The following NR2F1-AS1 variants were observed in gnomAD, a reference collection of about 807,000 sequenced individuals.
NR2F1-AS1 encodes the protein NR2F1 antisense RNA 1.
chr5:93,417,853 A>G (rs1749000173), intron 4 of NR2F1-AS1, among the ~76,000 whole-genome samples: 1 of 152,228 alleles, frequency 6.6e-6, no homozygotes, highest in Non-Finnish European at 1.5e-5. Flanking sequence ...AGCCAGTTCC[A>G]TAATACACAG....
intron 3 of NR2F1-AS1, among the ~76,000 whole-genome samples, chr5:93,554,412 T>C (rs1388202565): frequency 6.6e-6 from 1 of 152,200 alleles, no homozygotes; most frequent in African/African-American, 2.4e-5. Context: ...TTCTTGTTAA[T>C]ACCGAGGTTT....
intron 4 of NR2F1-AS1, among the ~76,000 whole-genome samples, chr5:93,440,826 A>C (rs73133228): frequency 6.6e-6 from 1 of 152,106 alleles, no homozygotes; most frequent in Non-Finnish European, 1.5e-5. Context: ...GGAAAAATAA[A>C]TGCATTTTTT....
At chr5:93,432,527 C>T (rs1275657913) in intron 4 of NR2F1-AS1, 2 of 152,234 alleles carry the variant, frequency 1.3e-5, no homozygotes, top group Non-Finnish European at 2.9e-5. Flanking sequence ...GAACAACAAA[C>T]ACTTCTTCCT....
At chr5:93,416,279 A>G (rs1331172041) in intron 4 of NR2F1-AS1, among the ~76,000 whole-genome samples, 1 of 152,250 alleles carries the variant, frequency 6.6e-6, no homozygotes, top group African/African-American at 2.4e-5. Flanking sequence ...GCTTTGACAC[A>G]AAGACTGTGC....
At chr5:93,410,356 G>GCAGGCCC (rs1247457617) in intron 4 of NR2F1-AS1, 6 of 152,244 alleles carry the variant, frequency 3.9e-5, no homozygotes, top group Admixed American at 3.3e-4. Context: ...GGCCCCTAGG[G>GCAGGCCC]CTGGGGTCCA....
At chr5:93,475,346 A>G (rs1750460045) in intron 4 of NR2F1-AS1, among the ~76,000 whole-genome samples, 3 of 152,186 alleles carry the variant, frequency 2.0e-5, no homozygotes, top group Admixed American at 2.0e-4. Flanking sequence ...ATAGATGAGA[A>G]GAGGAAGGAA....
intron 4 of NR2F1-AS1, among the ~76,000 whole-genome samples, chr5:93,499,158 T>G (rs950748064): frequency 6.6e-6 from 1 of 152,168 alleles, no homozygotes; most frequent in Non-Finnish European, 1.5e-5. Flanking sequence ...TAATTTTAAT[T>G]ATAAGATACA....
intron 4 of NR2F1-AS1, among the ~76,000 whole-genome samples, chr5:93,491,914 A>G (rs942049507): frequency 1.3e-5 from 2 of 152,158 alleles, no homozygotes; most frequent in Non-Finnish European, 2.9e-5. Context: ...CAGACAGTAT[A>G]TTATAGGACC....
intron 4 of NR2F1-AS1, among the ~76,000 whole-genome samples, chr5:93,518,969 T>G (rs753390496): frequency 1.3e-5 from 2 of 152,052 alleles, no homozygotes; most frequent in Non-Finnish European, 2.9e-5. Context: ...TATTAAAAAT[T>G]TTTAATTAAA....
At chr5:93,486,901 A>C (rs1750734902) in intron 4 of NR2F1-AS1, among the ~76,000 whole-genome samples, 1 of 152,134 alleles carries the variant, frequency 6.6e-6, no homozygotes, top group African/African-American at 2.4e-5. Context: ...TATCCACCAC[A>C]ATAAGTTGGC....
chr5:93,420,310 G>A (rs577221665), intron 4 of NR2F1-AS1, among the ~76,000 whole-genome samples: 2 of 152,330 alleles, frequency 1.3e-5, no homozygotes, highest in African/African-American at 4.8e-5. Context: ...TCTCCAGATA[G>A]AACGAGCATG....
intron 4 of NR2F1-AS1, among the ~76,000 whole-genome samples, chr5:93,492,657 TC>T (rs1750875947): frequency 1.3e-5 from 2 of 152,040 alleles, no homozygotes; most frequent in South Asian, 4.1e-4. Flanking sequence ...GCAAACCAAA[TC>T]CAACAGCATA....
chr5:93,409,995 C>A (rs2149838234), intron 4 of NR2F1-AS1: 1 of 152,294 alleles, frequency 6.6e-6, no homozygotes, highest in East Asian at 1.9e-4. Flanking sequence ...CTCCTCAAGA[C>A]AAAGACATGT....
intron 4 of NR2F1-AS1, among the ~76,000 whole-genome samples, chr5:93,536,739 A>G (rs1175640404): frequency 6.6e-6 from 1 of 152,240 alleles, no homozygotes; most frequent in East Asian, 1.9e-4. Context: ...CCATATGTAG[A>G]AGAATGAGAA....
intron 4 of NR2F1-AS1, among the ~76,000 whole-genome samples, chr5:93,519,750 G>T (rs1321944997): frequency 6.6e-6 from 1 of 151,904 alleles, no homozygotes; most frequent in Non-Finnish European, 1.5e-5. Flanking sequence ...CAAGAAATGT[G>T]TGATCTTCTA....
chr5:93,458,420 TTAGTAG>T (rs1750001350), intron 4 of NR2F1-AS1, among the ~76,000 whole-genome samples: 1 of 151,944 alleles, frequency 6.6e-6, no homozygotes, highest in Non-Finnish European at 1.5e-5. Flanking sequence ...AAATGCACAA[TTAGTAG>T]GGAAAAAGTG....
At chr5:93,556,059 A>C (rs535123078) in intron 2 of NR2F1-AS1, among the ~76,000 whole-genome samples, 1 of 152,300 alleles carries the variant, frequency 6.6e-6, no homozygotes, top group South Asian at 2.1e-4. Context: ...CTTCTTCACC[A>C]CCACAGCTCA....
chr5:93,472,997 A>G (rs963733936), intron 4 of NR2F1-AS1, among the ~76,000 whole-genome samples: 1 of 151,930 alleles, frequency 6.6e-6, no homozygotes, highest in Non-Finnish European at 1.5e-5. Flanking sequence ...CAATATATAA[A>G]ACATATACCA....
At chr5:93,447,813 T>C (rs1749748013) in intron 4 of NR2F1-AS1, among the ~76,000 whole-genome samples, 1 of 152,158 alleles carries the variant, frequency 6.6e-6, no homozygotes, top group African/African-American at 2.4e-5. Context: ...CCATCAATGA[T>C]AGTCTGGATT....
Sources: gnomAD v4.1 joint callset for allele counts (sites outside exome capture counted in the v4.1 genomes callset) on GRCh38, gnomAD v4.1.1 for gene constraint, MANE v1.5 for transcripts, NCBI Gene and HGNC (gene_info 2026-07-23, HGNC 2026-07-21) for gene names.